LPIN1: variants seen among roughly 807,000 people sequenced by gnomAD.
LPIN1 encodes phosphatidate phosphatase LPIN1.
In LPIN1, 71 loss-of-function variants were observed where a neutral mutation model predicts 107.5. The ratio of observed to expected loss-of-function variants is 0.66; its 90% confidence interval spans 0.55 to 0.80. The LOEUF (loss-of-function observed/expected upper bound fraction) is 0.80, where lower values mean the gene tolerates loss of function less well. Ranked by LOEUF, LPIN1 falls within the 30% of genes least tolerant of loss-of-function variation. The pLI is 0.00. For missense variants in LPIN1, 1,043 were observed against 1,160.6 expected (o/e 0.90, Z 1.47); for synonymous variants, 445 against 452.6 (o/e 0.98, Z 0.21).
chr2:11,733,981 G>A (rs1036052803), intron 1 of LPIN1, among the ~76,000 whole-genome samples: 2 of 152,194 alleles, frequency 1.3e-5, no homozygotes, highest in African/African-American at 4.8e-5. Flanking sequence ...AGCTAGTAAG[G>A]GGCAGGGCTG....
At chr2:11,745,343 C>T (rs1666791836), upstream of LPIN1, 1 of 152,262 alleles carries the variant, frequency 6.6e-6, no homozygotes, top group South Asian at 2.1e-4. Flanking sequence ...TCTACTCCTG[C>T]AGTCCATTTT....
At position 11,815,363 on chromosome 2, in the gene LPIN1, G is replaced by A. The variant is rs185335287; in HGVS notation, c.2402+123G>A. ...TCTGCCCCAATATCCATGCTCCATA[G>A]CAGGCACCAGAAAAATCATTCCAAA... On this transcript the variant is annotated intron_variant, in intron 18 of 20. Coordinates refer to ENST00000674199, the MANE Select transcript of LPIN1 (RefSeq NM_001349206.2). 1,516 of 1,204,388 alleles carry A rather than the reference G, an allele frequency of 1.3e-3. 1 individual carries two copies. The highest frequency in any genetic ancestry group is 4.8e-3 in the African/African-American group (322 of 66,514). The allele number at this position is 1,204,388 out of a possible 1,614,324, so 74.6% of individuals were successfully genotyped here. A position where few individuals can be genotyped will look rare whatever the true frequency, so the allele number is the denominator to read the frequency against.
At chr2:11,805,024 C>T (rs1449056099) in intron 16 of LPIN1, 46 bp from the exon 17 acceptor site, 19 of 1,102,946 alleles carry the variant, frequency 1.7e-5, no homozygotes, top group African/African-American at 3.1e-5. Flanking sequence ...TGCAATGAAT[C>T]TGAAAGGGAT....
chr2:11,736,230 T>A (rs189929319), intron 1 of LPIN1, among the ~76,000 whole-genome samples: 1 of 152,358 alleles, frequency 6.6e-6, no homozygotes, highest in Non-Finnish European at 1.5e-5. Context: ...TAGAATGCTG[T>A]CTTAGGTCAG....
chr2:11,771,299 G>C lies in LPIN1; in HGVS notation c.289-73G>C. ...CTTGGCCTCTGAAGTGAATCCTGGA[G>C]GCCTCTGGCAAGGCCCTGCTTCTTA... On this transcript the variant is annotated intron_variant, in intron 3 of 20. Transcript: ENST00000674199. This position sits in a 1 kb window ranked among gnomAD's most constrained non-coding sequence, Gnocchi z 4.8. The C allele has an allele frequency of 6.8e-7, 1 of 1,470,016 alleles. No individual in the cohort carries two copies. The allele number at this position is 1,470,016 out of a possible 1,614,324, so 91.1% of individuals were successfully genotyped here. A position where few individuals can be genotyped will look rare whatever the true frequency, so the allele number is the denominator to read the frequency against.
Position 11,784,871 on chromosome 2 carries a change from T to C in LPIN1, c.1359-15T>C. Reference sequence around the variant, plus strand: ...ACAGTCCTCAGCCGGTCTCTGCCGCTTTTCCTCCTTCCAGCGGAGATCCTT... The same window carrying C: ...ACAGTCCTCAGCCGGTCTCTGCCGCCTTTCCTCCTTCCAGCGGAGATCCTT... On this transcript the variant is annotated splice_polypyrimidine_tract_variant and intron_variant, in intron 9 of 20. Coordinates refer to ENST00000674199, the MANE Select transcript of LPIN1 (RefSeq NM_001349206.2). 1 of 1,613,536 alleles carries C rather than the reference T, an allele frequency of 6.2e-7. No individual in the cohort carries two copies. Among genetic ancestry groups the C allele is most frequent in the Non-Finnish European group, 8.5e-7 (1 of 1,179,720 alleles).
intron 1 of LPIN1, among the ~76,000 whole-genome samples, chr2:11,702,898 C>T (rs1245721510): frequency 6.8e-6 from 1 of 146,862 alleles, no homozygotes; most frequent in South Asian, 2.2e-4. Flanking sequence ...TTCTGAGTCT[C>T]GCCATAGACT....
rs902640340 is a variant in LPIN1 at position 11,788,591 on chromosome 2, A to G, written c.1713+135A>G. ...GTGCTCTTTTGAAGTTCATGAGCATACAGGCCAGGAGTTTCTGATCTCTCT... is the reference window on the plus strand; with the variant it reads ...GTGCTCTTTTGAAGTTCATGAGCATGCAGGCCAGGAGTTTCTGATCTCTCT... On this transcript the variant is annotated intron_variant, in intron 12 of 20. Coordinates refer to ENST00000674199, the MANE Select transcript of LPIN1 (RefSeq NM_001349206.2). The G allele has an allele frequency of 5.4e-5, 40 of 746,802 alleles. No individual in the cohort carries two copies. In the African/African-American group the frequency reaches 6.8e-4, roughly 13 times the overall value. The allele number at this position is 746,802 out of a possible 1,614,324, so 46.3% of individuals were successfully genotyped here. A position where few individuals can be genotyped will look rare whatever the true frequency, so the allele number is the denominator to read the frequency against.
chr2:11,795,130 T>A (rs1156679615), intron 13 of LPIN1, among the ~76,000 whole-genome samples: 1 of 152,200 alleles, frequency 6.6e-6, no homozygotes, highest in Non-Finnish European at 1.5e-5. Context: ...ACAGTGATGA[T>A]GGAGTTTGGT....
chr2:11,769,094 G>T (rs1238173172), intron 3 of LPIN1, among the ~76,000 whole-genome samples: 2 of 152,226 alleles, frequency 1.3e-5, no homozygotes, highest in Non-Finnish European at 2.9e-5. Context: ...CCTAGGAATG[G>T]CATTGCTGGG....
intron 17 of LPIN1, among the ~76,000 whole-genome samples, chr2:11,810,498 T>C (rs1355060798): frequency 6.6e-6 from 1 of 152,142 alleles, no homozygotes; most frequent in Admixed American, 6.5e-5. Flanking sequence ...AGGAGCCAGG[T>C]TGCAGAGCGC....
chr2:11,687,102 G>A (rs540807713), intron 1 of LPIN1, among the ~76,000 whole-genome samples: 1 of 148,434 alleles, frequency 6.7e-6, no homozygotes, highest in Non-Finnish European at 1.5e-5. Context: ...GGCTCAAGTG[G>A]TCCTCCCACC....
chr2:11,787,872 CG>C (rs1014606847), intron 11 of LPIN1, among the ~76,000 whole-genome samples: 2 of 149,444 alleles, frequency 1.3e-5, no homozygotes, highest in Admixed American at 1.3e-4. Context: ...ACCTGGGAGT[CG>C]GAAGTTGCAG....
At chr2:11,698,314 T>C (rs1662690879) in intron 1 of LPIN1, among the ~76,000 whole-genome samples, 1 of 152,184 alleles carries the variant, frequency 6.6e-6, no homozygotes, top group Non-Finnish European at 1.5e-5. Flanking sequence ...AGGCACTGGA[T>C]GTACTTGAAG....
At chr2:11,823,309 A>G (rs1393255902) in intron 20 of LPIN1, 1 of 152,210 alleles carries the variant, frequency 6.6e-6, no homozygotes, top group Non-Finnish European at 1.5e-5. Flanking sequence ...GCGGCCTTGT[A>G]GTCAAGCCTG....
chr2:11,753,976 T>C (rs1463528906), intron 1 of LPIN1, among the ~76,000 whole-genome samples: 1 of 152,100 alleles, frequency 6.6e-6, no homozygotes, highest in Non-Finnish European at 1.5e-5. Flanking sequence ...GGACCACAGA[T>C]AGAGTCCCCA....
At chr2:11,815,028 T>G (rs1558298952) in intron 17 of LPIN1, 60 bp from the exon 18 acceptor site, 1 of 1,491,158 alleles carries the variant, frequency 6.7e-7, no homozygotes, top group African/African-American at 1.4e-5. Flanking sequence ...TCAGGATTTA[T>G]GAATGCAGAA....
intron 1 of LPIN1, among the ~76,000 whole-genome samples, chr2:11,705,293 A>T (rs1663072568): frequency 6.6e-6 from 1 of 152,254 alleles, no homozygotes; most frequent in Non-Finnish European, 1.5e-5. Flanking sequence ...TATTGAAAAA[A>T]AAATCACCTT....
chr2:11,742,525 T>C (rs893349), upstream of LPIN1, among the ~76,000 whole-genome samples: 94,415 of 152,076 alleles, frequency 0.62, 31,117 homozygotes, highest in African/African-American at 0.84. Flanking sequence ...GACTGACTCA[T>C]GGTGATATGC....
Sources: gnomAD v4.1 joint callset for allele counts (sites outside exome capture counted in the v4.1 genomes callset) on GRCh38, gnomAD v4.1.1 for gene constraint, Gnocchi (gnomAD v3.1) non-coding constraint, MANE v1.5 for transcripts, NCBI Gene and HGNC (gene_info 2026-07-23, HGNC 2026-07-21) for gene names.